Variants in CLNK observed in about 807,000 individuals in gnomAD.
The protein encoded by CLNK is cytokine-dependent hematopoietic cell linker.
A neutral mutation model predicts 68.6 loss-of-function variants in CLNK; 74 were observed. The ratio of observed to expected loss-of-function variants is 1.08; its 90% CI spans 0.89 to 1.31. The LOEUF (loss-of-function observed/expected upper bound fraction) is 1.31. Among genes scored for constraint, CLNK ranks in the 50% most tolerant of loss-of-function variants. The probability of loss-of-function intolerance (pLI) is 0.00; values close to 1 mark genes in which losing one functional copy is unlikely to be tolerated. For synonymous variants in CLNK, 198 were observed against 172.2 expected, an observed-to-expected ratio of 1.15 and a Z score of -1.17; for missense variants, 553 against 515.3, an observed-to-expected ratio of 1.07 and a Z score of -0.71.
At chr4:10,620,849 T>A (rs1391040290) in intron 2 of CLNK, among the ~76,000 whole-genome samples, 1 of 151,332 alleles carries the variant, frequency 6.6e-6, no homozygotes, top group African/African-American at 2.4e-5. Flanking sequence ...ACACCTGTAA[T>A]CCCAGCACTT....
At chr4:10,566,276 G>T in intron 5 of CLNK, 126 bp from the exon 6 acceptor site, 1 of 891,510 alleles carries the variant, frequency 1.1e-6, no homozygotes, top group South Asian at 1.9e-5. Context: ...AAGAATCTAG[G>T]GTCTGGGATC....
At position 10,627,052 on chromosome 4, in the gene CLNK, G is replaced by A. The variant is rs568997594; in HGVS notation, c.12-29003C>T. Among the ~76,000 whole-genome samples the A allele has an allele frequency of 6.6e-5, 10 of 152,266 alleles. No homozygotes were observed. The South Asian group carries it at 1.5e-3, about 22-fold the overall frequency. The stretch of plus-strand genomic sequence containing the variant: ...TGCTACATCAGCGAGAGGTCAAAGC[G>A]GTGTCCAGGGCAGCTTTCCCTTTAA... On this transcript the variant is annotated intron_variant, in intron 2 of 18. Coordinates refer to ENST00000226951, the MANE Select transcript of CLNK (RefSeq NM_052964.4).
intron 2 of CLNK, among the ~76,000 whole-genome samples, chr4:10,628,814 C>G (rs1315536546): frequency 1.3e-5 from 2 of 152,186 alleles, no homozygotes; most frequent in African/African-American, 4.8e-5. Context: ...AAGTCTTTGT[C>G]TGCCTAAAGT....
At chr4:10,630,536 TAGGCTGTGAATTCTAGG>T (rs2108868433) in intron 2 of CLNK, among the ~76,000 whole-genome samples, 1 of 150,334 alleles carries the variant, frequency 6.7e-6, no homozygotes, top group East Asian at 2.1e-4. Context: ...TCTCTCCAAA[TAGGCTGTGAATTCTAGG>T]AGGGGAAGAG....
the CLNK span, among the ~76,000 whole-genome samples, chr4:10,699,249 C>CA: frequency 9.0e-6 from 1 of 111,456 alleles, no homozygotes; most frequent in African/African-American, 3.2e-5. Flanking sequence ...CACATACACA[C>CA]CACGTATGTG....
intron 2 of CLNK, among the ~76,000 whole-genome samples, chr4:10,605,593 G>A (rs1158123574): frequency 1.3e-5 from 2 of 152,130 alleles, no homozygotes; most frequent in Non-Finnish European, 2.9e-5. Flanking sequence ...ACTTTGGGAG[G>A]CCAAGGTGGG....
chr4:10,528,056 A>G lies in CLNK; in HGVS notation c.649+20T>C. 1 of 1,321,450 alleles carries G rather than the reference A, an allele frequency of 7.6e-7. No individual in the cohort carries two copies. The allele number at this position is 1,321,450 out of a possible 1,614,324, so 81.9% of individuals were successfully genotyped here. ...TAGTCTATTAGTATTAGGGTAAGAA[A>G]ACAAATGTAAACAATTCACCTTTTT... On this transcript the variant is annotated intron_variant, in intron 13 of 18. Coordinates refer to ENST00000226951, the MANE Select transcript of CLNK (RefSeq NM_052964.4).
the CLNK span, among the ~76,000 whole-genome samples, chr4:10,708,542 G>A: frequency 6.6e-6 from 1 of 152,132 alleles, no homozygotes; most frequent in African/African-American, 2.4e-5. Flanking sequence ...CATATCTAGA[G>A]CACCCACAGA....
chr4:10,537,637 C>CTTTCCCTT (rs1553848138), intron 11 of CLNK, among the ~76,000 whole-genome samples: 1 of 76,198 alleles, frequency 1.3e-5, no homozygotes, highest in Non-Finnish European at 2.6e-5. Context: ...TTCTTTCTTT[C>CTTTCCCTT]TCTTTCTTTC....
the CLNK span, among the ~76,000 whole-genome samples, chr4:10,734,696 T>A: frequency 6.6e-6 from 1 of 152,210 alleles, no homozygotes; most frequent in Admixed American, 6.5e-5. Context: ...GCTCATCCCT[T>A]TCTGGCCCCC....
intron 4 of CLNK, among the ~76,000 whole-genome samples, chr4:10,575,043 C>T (rs1281429808): frequency 1.3e-5 from 2 of 152,240 alleles, no homozygotes; most frequent in East Asian, 1.9e-4. Context: ...TTCTTTAACT[C>T]GGTGTCTGAG....
At chr4:10,644,030 G>T (rs983946575) in intron 2 of CLNK, among the ~76,000 whole-genome samples, 8 of 152,234 alleles carry the variant, frequency 5.3e-5, no homozygotes, top group Non-Finnish European at 2.9e-5. Context: ...CATGGGGCAA[G>T]GGGGCAAGAA....
chr4:10,711,989 C>T, the CLNK span, among the ~76,000 whole-genome samples: 13 of 152,144 alleles, frequency 8.5e-5, no homozygotes, highest in African/African-American at 1.2e-4. Flanking sequence ...CAATGGATAT[C>T]GCGTTTCAAA....
At chr4:10,632,073 T>G (rs1171710059) in intron 2 of CLNK, among the ~76,000 whole-genome samples, 1 of 152,244 alleles carries the variant, frequency 6.6e-6, no homozygotes, top group Non-Finnish European at 1.5e-5. Context: ...ATTGGATGAC[T>G]GATAAGCATG....
chr4:10,699,459 C>CCTCTCTCT, the CLNK span, among the ~76,000 whole-genome samples: 8 of 62,902 alleles, frequency 1.3e-4, no homozygotes, highest in Admixed American at 3.9e-4. Flanking sequence ...CTATGTACAT[C>CCTCTCTCT]CTCTCTGTCT....
intron 2 of CLNK, among the ~76,000 whole-genome samples, chr4:10,663,178 G>A (rs1347225236): frequency 2.6e-5 from 4 of 152,168 alleles, no homozygotes; most frequent in East Asian, 1.9e-4. Flanking sequence ...TAGCCCCAGC[G>A]GTGTAATGGG....
intron 1 of CLNK, among the ~76,000 whole-genome samples, chr4:10,672,422 C>A (rs189514699): frequency 6.6e-6 from 1 of 152,234 alleles, no homozygotes; most frequent in East Asian, 1.9e-4. Context: ...ACAACAGCTA[C>A]CCTTAGGACT....
rs1577081292 is a variant in CLNK at position 10,488,588 on chromosome 4, T to A, written c.*1879A>T. 1 of 152,236 alleles carries A rather than the reference T, an allele frequency of 6.6e-6. No individual in the cohort carries two copies. Among genetic ancestry groups the A allele is most frequent in the East Asian group, 1.9e-4 (1 of 5,200 alleles). The allele number at this position is 152,236 out of a possible 1,614,324, so 9.4% of individuals were successfully genotyped here. Reference sequence around the variant, plus strand: ...ACTCTTGTCTCTTGGTTCTATGTAATCCTCTGCAGGCATACTCTACGATAG... The same window carrying A: ...ACTCTTGTCTCTTGGTTCTATGTAAACCTCTGCAGGCATACTCTACGATAG... On this transcript the variant is annotated 3_prime_UTR_variant, in exon 19 of 19. Transcript: ENST00000226951.
At chr4:10,663,165 A>G (rs1445254125) in intron 2 of CLNK, among the ~76,000 whole-genome samples, 2 of 152,236 alleles carry the variant, frequency 1.3e-5, no homozygotes, top group Admixed American at 6.5e-5. Flanking sequence ...AGATGCCCTT[A>G]TCTAGCCCCA....
Sources: gnomAD v4.1 joint callset for allele counts (sites outside exome capture counted in the v4.1 genomes callset) on GRCh38, gnomAD v4.1.1 for gene constraint, MANE v1.5 for transcripts, NCBI Gene and HGNC (gene_info 2026-07-23, HGNC 2026-07-21) for gene names.